ZEB1: variants seen among roughly 807,000 people sequenced by gnomAD.
The protein encoded by ZEB1 is zinc finger E-box binding homeobox 1.
Under a neutral mutation model 84.9 loss-of-function variants are expected in ZEB1, and 21 were observed. That is an observed-to-expected ratio of 0.25 (90% CI 0.18 to 0.36). The LOEUF (loss-of-function observed/expected upper bound fraction) is 0.36, where lower values mean the gene tolerates loss of function less well. Among genes scored for constraint, ZEB1 ranks in the 10% least tolerant of loss-of-function variants. ZEB1 has a pLI of 1.00. For missense variants in ZEB1, 1,104 were observed against 1,330.2 expected (o/e 0.83, Z 2.65); for synonymous variants, 420 against 471.1 (o/e 0.89, Z 1.41).
At chr10:31,353,433 TACTC>T (rs1410323833) in intron 1 of ZEB1, among the ~76,000 whole-genome samples, 5 of 152,248 alleles carry the variant, frequency 3.3e-5, no homozygotes, top group Non-Finnish European at 7.3e-5. Flanking sequence ...GTATATAGGC[TACTC>T]ACAATGTAAT....
chr10:31,354,438 T>C, intron 1 of ZEB1, among the ~76,000 whole-genome samples: 1 of 152,186 alleles, frequency 6.6e-6, no homozygotes, highest in Non-Finnish European at 1.5e-5. Flanking sequence ...TTTTAATGTC[T>C]CTTTTTGGAA....
intron 1 of ZEB1, among the ~76,000 whole-genome samples, chr10:31,413,054 A>C (rs571986972): frequency 6.6e-6 from 1 of 152,360 alleles, no homozygotes; most frequent in African/African-American, 2.4e-5. Context: ...ATCCAAAATC[A>C]CAAGATTGAT....
intron 1 of ZEB1, chr10:31,361,203 C>T: frequency 1.9e-6 from 3 of 1,611,640 alleles, no homozygotes; most frequent in East Asian, 2.2e-5. Flanking sequence ...TCAACTACAA[C>T]ATCGTTTCAG....
chr10:31,407,672 G>A (rs1431916450), intron 1 of ZEB1, among the ~76,000 whole-genome samples: 2 of 152,072 alleles, frequency 1.3e-5, no homozygotes, highest in Non-Finnish European at 2.9e-5. Flanking sequence ...ATGCAGAAAA[G>A]GCCTTTGACA....
chr10:31,449,438 T>C (rs1429974791), intron 1 of ZEB1, among the ~76,000 whole-genome samples: 3 of 152,164 alleles, frequency 2.0e-5, no homozygotes, highest in African/African-American at 7.2e-5. Flanking sequence ...GGCTCCTCTC[T>C]GCCTATATTT....
intron 2 of ZEB1, among the ~76,000 whole-genome samples, chr10:31,488,501 C>A (rs1237356902): frequency 2.0e-5 from 3 of 150,136 alleles, no homozygotes; most frequent in Non-Finnish European, 4.5e-5. Flanking sequence ...TTACAAAGAA[C>A]CAGCTTTTTG....
intron 2 of ZEB1, among the ~76,000 whole-genome samples, chr10:31,466,011 T>TA (rs751884383): frequency 4.7e-4 from 72 of 152,096 alleles, no homozygotes; most frequent in Non-Finnish European, 6.0e-4. Context: ...AAATTTTAAG[T>TA]AAAAAATTGT....
intron 4 of ZEB1, among the ~76,000 whole-genome samples, chr10:31,510,254 A>G (rs1164211543): frequency 6.6e-6 from 1 of 152,242 alleles, no homozygotes; most frequent in Non-Finnish European, 1.5e-5. Context: ...AATGATACAT[A>G]CCATTGTTAC....
chr10:31,354,276 A>C (rs966222485), intron 1 of ZEB1, among the ~76,000 whole-genome samples: 2 of 152,154 alleles, frequency 1.3e-5, no homozygotes, highest in Non-Finnish European at 1.5e-5. Flanking sequence ...TATATAAAGC[A>C]CTTTTTTTGT....
chr10:31,344,847 T>C (rs765238461), intron 1 of ZEB1, among the ~76,000 whole-genome samples: 14 of 152,128 alleles, frequency 9.2e-5, no homozygotes, highest in Non-Finnish European at 1.8e-4. Context: ...AACTAATTCA[T>C]GTTTGTTTGT....
chr10:31,368,352 T>G (rs1373116804), intron 1 of ZEB1, among the ~76,000 whole-genome samples: 1 of 151,788 alleles, frequency 6.6e-6, no homozygotes, highest in Non-Finnish European at 1.5e-5. Flanking sequence ...AGATAGAGTT[T>G]CATTGTGTCG....
At chr10:31,523,325 T>TA (rs2072764829) in intron 7 of ZEB1, among the ~76,000 whole-genome samples, 1 of 152,170 alleles carries the variant, frequency 6.6e-6, no homozygotes, top group Non-Finnish European at 1.5e-5. Context: ...TTATTTCTGT[T>TA]AAAAAGATAG....
At chr10:31,485,784 CACAA>C (rs969495663) in intron 2 of ZEB1, among the ~76,000 whole-genome samples, 1 of 151,544 alleles carries the variant, frequency 6.6e-6, no homozygotes, top group Non-Finnish European at 1.5e-5. Flanking sequence ...TACACACACA[CACAA>C]ACAGACACAC....
At chr10:31,481,259 A>G (rs2065006488) in intron 2 of ZEB1, among the ~76,000 whole-genome samples, 1 of 152,082 alleles carries the variant, frequency 6.6e-6, no homozygotes, top group Admixed American at 6.6e-5. Flanking sequence ...ATATATAAAA[A>G]CAGATAAATA....
chr10:31,469,208 C>T (rs2062835588), intron 2 of ZEB1, among the ~76,000 whole-genome samples: 1 of 151,930 alleles, frequency 6.6e-6, no homozygotes, highest in African/African-American at 2.4e-5. Context: ...TTAACCCAAT[C>T]AGAAAATGGC....
intron 1 of ZEB1, among the ~76,000 whole-genome samples, chr10:31,368,483 C>G (rs886734598): frequency 7.0e-6 from 1 of 143,568 alleles, no homozygotes; most frequent in Non-Finnish European, 1.5e-5. Context: ...TAAATCATCT[C>G]TAGCTTACTT....
At chr10:31,458,712 G>C (rs1167196058) in intron 1 of ZEB1, among the ~76,000 whole-genome samples, 1 of 151,904 alleles carries the variant, frequency 6.6e-6, no homozygotes, top group Non-Finnish European at 1.5e-5. Flanking sequence ...CTACTAATCT[G>C]ATAAGTATAT....
intron 1 of ZEB1, among the ~76,000 whole-genome samples, chr10:31,326,300 A>G (rs973143368): frequency 6.6e-6 from 1 of 152,120 alleles, no homozygotes; most frequent in Non-Finnish European, 1.5e-5. Flanking sequence ...AAGGCTGTCA[A>G]AATCACTGTA....
chr10:31,364,994 A>AC (rs1343413639), intron 1 of ZEB1, among the ~76,000 whole-genome samples: 1 of 152,226 alleles, frequency 6.6e-6, no homozygotes, highest in Non-Finnish European at 1.5e-5. Context: ...TCAGCACAGC[A>AC]CCATCCCACA....
Sources: gnomAD v4.1 joint callset for allele counts (sites outside exome capture counted in the v4.1 genomes callset) on GRCh38, gnomAD v4.1.1 for gene constraint, MANE v1.5 for transcripts, NCBI Gene and HGNC (gene_info 2026-07-23, HGNC 2026-07-21) for gene names.